Variants in ACYP2 observed in about 807,000 individuals in gnomAD.
The protein encoded by ACYP2 is acylphosphatase 2, also known as acylphosphatase-2.
A neutral mutation model predicts 11.2 loss-of-function variants in ACYP2; 12 were observed. That is an observed-to-expected ratio of 1.08 (90% CI 0.69 to 1.74). The LOEUF is 1.74. Among genes scored for constraint, ACYP2 ranks in the 40% most tolerant of loss-of-function variants. The pLI, the probability that ACYP2 is intolerant of heterozygous loss-of-function variation, is 0.00. For synonymous variants in ACYP2, 43 were observed against 32.2 expected, an observed-to-expected ratio of 1.33 and a Z score of -1.13; for missense variants, 134 against 101.9, an observed-to-expected ratio of 1.31 and a Z score of -1.35.
At chr2:54,108,880 C>A (rs1679311184) in intron 4 of ACYP2, among the ~76,000 whole-genome samples, 1 of 152,184 alleles carries the variant, frequency 6.6e-6, no homozygotes, top group Non-Finnish European at 1.5e-5. Flanking sequence ...TTTTCCTTTA[C>A]TTTTCCTTAC....
chr2:54,210,141 C>CAAAAAAA, intron 6 of ACYP2, among the ~76,000 whole-genome samples: 1 of 70,998 alleles, frequency 1.4e-5, no homozygotes, highest in African/African-American at 4.6e-5. Flanking sequence ...GACTGTGTCT[C>CAAAAAAA]AAAAAAAAAA....
chr2:54,169,781 A>G (rs1683149748), intron 6 of ACYP2, among the ~76,000 whole-genome samples: 2 of 152,194 alleles, frequency 1.3e-5, no homozygotes, highest in African/African-American at 4.8e-5. Flanking sequence ...CCTGGATGCT[A>G]AGAGTCAAAC....
chr2:54,229,684 T>G (rs1165867925), intron 6 of ACYP2, among the ~76,000 whole-genome samples: 1 of 152,240 alleles, frequency 6.6e-6, no homozygotes, highest in Non-Finnish European at 1.5e-5. Flanking sequence ...CTCCATATTT[T>G]ATAACAGCAC....
At chr2:54,254,976 A>G in intron 6 of ACYP2, 1 of 1,613,992 alleles carries the variant, frequency 6.2e-7, no homozygotes, top group South Asian at 1.1e-5. Context: ...TTACCAGGCG[A>G]CGTCTAGCTC....
intron 5 of ACYP2, among the ~76,000 whole-genome samples, chr2:54,137,874 G>A (rs1425425543): frequency 6.6e-6 from 1 of 152,120 alleles, no homozygotes; most frequent in African/African-American, 2.4e-5. Context: ...TTCCACAGTG[G>A]CTGGACCAGT....
intron 6 of ACYP2, among the ~76,000 whole-genome samples, chr2:54,194,005 C>T (rs143290541): frequency 6.6e-6 from 1 of 152,028 alleles, no homozygotes; most frequent in Admixed American, 6.6e-5. Context: ...ATATATGAAG[C>T]CTTAGGACTG....
At chr2:54,219,827 G>GTA (rs1291541821) in intron 6 of ACYP2, among the ~76,000 whole-genome samples, 1 of 143,194 alleles carries the variant, frequency 7.0e-6, no homozygotes, top group Non-Finnish European at 1.5e-5. Flanking sequence ...ATGTGTGTGT[G>GTA]TATATATATG....
intron 6 of ACYP2, among the ~76,000 whole-genome samples, chr2:54,171,285 A>T (rs564077193): frequency 1.3e-5 from 2 of 152,272 alleles, no homozygotes; most frequent in East Asian, 3.9e-4. Flanking sequence ...GGCTTCAAAC[A>T]TAAAGAAATA....
chr2:54,004,365 G>T (rs1336862636), intron 2 of ACYP2, among the ~76,000 whole-genome samples: 4 of 138,366 alleles, frequency 2.9e-5, no homozygotes, highest in Non-Finnish European at 4.7e-5. Flanking sequence ...TGCCATCTGT[G>T]TATCTTCTTT....
At chr2:54,204,064 G>A (rs563012565) in intron 6 of ACYP2, among the ~76,000 whole-genome samples, 1 of 152,036 alleles carries the variant, frequency 6.6e-6, no homozygotes, top group Non-Finnish European at 1.5e-5. Context: ...GCACGATCTC[G>A]GCTCACTGCG....
intron 6 of ACYP2, among the ~76,000 whole-genome samples, chr2:54,263,554 T>G (rs1687872715): frequency 6.6e-6 from 1 of 152,074 alleles, no homozygotes; most frequent in Non-Finnish European, 1.5e-5. Context: ...AGCCCAGGAG[T>G]TGGAGCTTCC....
At chr2:54,257,475 T>G (rs1196889548) in intron 6 of ACYP2, among the ~76,000 whole-genome samples, 1 of 152,206 alleles carries the variant, frequency 6.6e-6, no homozygotes, top group Non-Finnish European at 1.5e-5. Context: ...CAGGGAGGTG[T>G]AATCTTCTCT....
chr2:54,256,471 T>G (rs924703686), intron 6 of ACYP2, among the ~76,000 whole-genome samples: 1 of 152,226 alleles, frequency 6.6e-6, no homozygotes, highest in Non-Finnish European at 1.5e-5. Flanking sequence ...TATTCTCTCT[T>G]GTGCAGTATC....
intron 2 of ACYP2, among the ~76,000 whole-genome samples, chr2:53,985,070 CTTT>C (rs1178409999): frequency 1.5e-5 from 2 of 134,962 alleles, no homozygotes; most frequent in African/African-American, 2.7e-5. Flanking sequence ...TTTTTTCTTT[CTTT>C]TTTTTTTTTT....
At chr2:53,978,119 G>A (rs1300983852) in intron 2 of ACYP2, among the ~76,000 whole-genome samples, 1 of 151,984 alleles carries the variant, frequency 6.6e-6, no homozygotes, top group Non-Finnish European at 1.5e-5. Context: ...AAAATGAGCC[G>A]GGCATGGTGG....
chr2:54,063,635 C>A (rs7583626), intron 4 of ACYP2, among the ~76,000 whole-genome samples: 15,251 of 152,290 alleles, frequency 0.1, 919 homozygotes, highest in East Asian at 0.28. Flanking sequence ...TTTCTAGGTT[C>A]TGGGAACCAA....
chr2:54,045,719 G>A (rs1015516548), intron 2 of ACYP2, among the ~76,000 whole-genome samples: 5 of 152,148 alleles, frequency 3.3e-5, no homozygotes, highest in African/African-American at 1.2e-4. Flanking sequence ...GGGAGGCTGA[G>A]GCAGGAGAAT....
intron 4 of ACYP2, among the ~76,000 whole-genome samples, chr2:54,103,700 A>G (rs1679017419): frequency 6.6e-6 from 1 of 152,234 alleles, no homozygotes; most frequent in South Asian, 2.1e-4. Flanking sequence ...ACTATGAAAT[A>G]TGATTTATTT....
At chr2:54,300,346 AG>A (rs374938708) in intron 6 of ACYP2, among the ~76,000 whole-genome samples, 1 of 152,370 alleles carries the variant, frequency 6.6e-6, no homozygotes, top group Non-Finnish European at 1.5e-5. Context: ...CCCAGAAGCC[AG>A]GAATGCTGCT....
Sources: gnomAD v4.1 joint callset for allele counts (sites outside exome capture counted in the v4.1 genomes callset) on GRCh38, gnomAD v4.1.1 for gene constraint, MANE v1.5 for transcripts, NCBI Gene and HGNC (gene_info 2026-07-23, HGNC 2026-07-21) for gene names.